The following KCNIP1 variants were observed in gnomAD, a reference collection of about 807,000 sequenced individuals.
KCNIP1 encodes the protein potassium voltage-gated channel interacting protein 1.
In KCNIP1, 18 loss-of-function variants were observed where a neutral mutation model predicts 33.0. The observed-to-expected ratio is 0.55, with a 90% confidence interval of 0.38 to 0.81. The LOEUF (loss-of-function observed/expected upper bound fraction) is 0.81, where lower values mean the gene tolerates loss of function less well. Among genes scored for constraint, KCNIP1 ranks in the 30% least tolerant of loss-of-function variants. KCNIP1 has a pLI of 0.00. For synonymous variants in KCNIP1, 93 were observed against 98.3 expected, an observed-to-expected ratio of 0.95 and a Z score of 0.32; for missense variants, 238 against 271.6, an observed-to-expected ratio of 0.88 and a Z score of 0.87.
intron 1 of KCNIP1, among the ~76,000 whole-genome samples, chr5:170,563,807 AT>A (rs1757119086): frequency 6.6e-6 from 1 of 151,948 alleles, no homozygotes; most frequent in African/African-American, 2.4e-5. Context: ...CACCTGGCTA[AT>A]TTTGTATTTT....
At chr5:170,652,042 T>G (rs944795786) in intron 1 of KCNIP1, among the ~76,000 whole-genome samples, 9 of 152,086 alleles carry the variant, frequency 5.9e-5, no homozygotes, top group African/African-American at 2.2e-4. Flanking sequence ...AATAGGCGTT[T>G]GTGGCTGTCA....
intron 1 of KCNIP1, among the ~76,000 whole-genome samples, chr5:170,557,678 G>A (rs781730035): frequency 6.6e-6 from 1 of 152,164 alleles, no homozygotes; most frequent in Non-Finnish European, 1.5e-5. Context: ...TCTAGGCAGA[G>A]GAAGCAGTTT....
chr5:170,367,354 A>AAAGG (rs1763694946), intron 1 of KCNIP1, among the ~76,000 whole-genome samples: 1 of 37,166 alleles, frequency 2.7e-5, no homozygotes, highest in East Asian at 7.7e-4. Context: ...AAAGAAAAAG[A>AAAGG]AAGAAAGAAA....
intron 1 of KCNIP1, among the ~76,000 whole-genome samples, chr5:170,652,614 T>C (rs1392239950): frequency 6.6e-6 from 1 of 152,110 alleles, no homozygotes; most frequent in Non-Finnish European, 1.5e-5. Flanking sequence ...AAAGGGGGCA[T>C]TGCCCACTTA....
rs567184306 is a variant in KCNIP1 at position 170,425,024 on chromosome 5, T to G, written c.88+71060T>G. Among the ~76,000 whole-genome samples the G allele has an allele frequency of 2.0e-5, 3 of 152,308 alleles. No individual in the cohort carries two copies. The South Asian group carries it at 6.2e-4, about 32-fold the overall frequency. ...CTAGCTTCAACCTGTCATTCAGACC[T>G]CAGCTCCAAGTCACTTCCTCAGAAA... On this transcript the variant is annotated intron_variant, in intron 1 of 7. Transcript: ENST00000377360.
At position 170,398,709 on chromosome 5, in the gene KCNIP1, C is replaced by T. The variant is rs544274218; in HGVS notation, c.88+44745C>T. 2.0e-5 allele frequency among the ~76,000 whole-genome samples: 3 copies of T among 152,346 alleles called. No individual in the cohort carries two copies. The South Asian group carries it at 6.2e-4, about 32-fold the overall frequency. The stretch of plus-strand genomic sequence containing the variant: ...TCAGAGGCCCAATCTTCATCAGCTG[C>T]TCTAAGTGGTTCAGGTCAGGACCGG... On this transcript the variant is annotated intron_variant, in intron 1 of 7. Coordinates refer to the KCNIP1 transcript ENST00000377360.
At chr5:170,355,661 C>G (rs921254652) in intron 1 of KCNIP1, among the ~76,000 whole-genome samples, 1 of 152,166 alleles carries the variant, frequency 6.6e-6, no homozygotes. Context: ...AGAGGCAGGG[C>G]TGAGAAGGTG....
intron 1 of KCNIP1, among the ~76,000 whole-genome samples, chr5:170,647,045 C>A (rs74437177): frequency 0.055 from 8,318 of 152,032 alleles, 294 homozygotes; most frequent in Non-Finnish European, 0.081. Context: ...AAGTATAAAT[C>A]AAATAACATA....
intron 1 of KCNIP1, among the ~76,000 whole-genome samples, chr5:170,526,719 C>CTTTTTTTT (rs145988547): frequency 2.4e-5 from 3 of 122,812 alleles, no homozygotes; most frequent in South Asian, 2.6e-4. Flanking sequence ...ATCTGATTAG[C>CTTTTTTTT]TTTTTTTTTT....
chr5:170,673,563 A>G (rs914467733), intron 1 of KCNIP1, among the ~76,000 whole-genome samples: 5 of 152,194 alleles, frequency 3.3e-5, no homozygotes, highest in Non-Finnish European at 4.4e-5. Context: ...TATCTGTTCT[A>G]GCTGGTTTCA....
chr5:170,668,302 C>T (rs1167125559), intron 1 of KCNIP1, among the ~76,000 whole-genome samples: 1 of 152,182 alleles, frequency 6.6e-6, no homozygotes, highest in Non-Finnish European at 1.5e-5. Context: ...GGGCAAGAAT[C>T]ATTTTCTTCA....
At chr5:170,385,268 C>A (rs1355059197) in intron 1 of KCNIP1, 2 of 1,610,984 alleles carry the variant, frequency 1.2e-6, no homozygotes, top group African/African-American at 2.7e-5. Context: ...GATGCCAGAC[C>A]CTTAGGAGAG....
At chr5:170,458,085 T>C (rs1345089151) in intron 1 of KCNIP1, among the ~76,000 whole-genome samples, 2 of 152,114 alleles carry the variant, frequency 1.3e-5, no homozygotes, top group Non-Finnish European at 2.9e-5. Flanking sequence ...TTGAACACGC[T>C]GAAGAAAGAA....
At chr5:170,589,289 G>A (rs544442725) in intron 1 of KCNIP1, among the ~76,000 whole-genome samples, 11 of 152,210 alleles carry the variant, frequency 7.2e-5, no homozygotes, top group East Asian at 1.9e-4. Flanking sequence ...GTGAGGCACC[G>A]CACCCAGCCA....
At chr5:170,651,252 G>A (rs184522852) in intron 1 of KCNIP1, among the ~76,000 whole-genome samples, 4 of 152,310 alleles carry the variant, frequency 2.6e-5, no homozygotes, top group African/African-American at 4.8e-5. Flanking sequence ...CACAGGAGGG[G>A]TGCAAATCAA....
intron 1 of KCNIP1, chr5:170,375,390 C>G (rs1337781646): frequency 6.6e-6 from 1 of 152,278 alleles, no homozygotes; most frequent in African/African-American, 2.4e-5. Flanking sequence ...ACAGGGATAC[C>G]TCTGGGCTCC....
At chr5:170,615,688 G>A (rs1759341150) in intron 1 of KCNIP1, among the ~76,000 whole-genome samples, 1 of 152,166 alleles carries the variant, frequency 6.6e-6, no homozygotes, top group African/African-American at 2.4e-5. Context: ...TCTAAGCCCA[G>A]CTGCTGTCCT....
chr5:170,381,788 A>C (rs532089358), intron 1 of KCNIP1, among the ~76,000 whole-genome samples: 2 of 152,196 alleles, frequency 1.3e-5, no homozygotes, highest in Non-Finnish European at 2.9e-5. Flanking sequence ...TCACTCCCGG[A>C]GAATGTTACC....
chr5:170,549,964 A>G (rs1301659661), intron 1 of KCNIP1, among the ~76,000 whole-genome samples: 1 of 152,164 alleles, frequency 6.6e-6, no homozygotes, highest in Non-Finnish European at 1.5e-5. Context: ...AAAGTCCACT[A>G]TGTGCTTACC....
Sources: allele counts gnomAD v4.1 joint callset (sites outside exome capture counted in the v4.1 genomes callset), GRCh38; gene constraint gnomAD v4.1.1; transcripts MANE v1.5; gene names NCBI Gene and HGNC (gene_info 2026-07-23, HGNC 2026-07-21).